Variants in ADGRF5 observed in about 807,000 individuals in gnomAD.
ADGRF5 encodes adhesion G protein-coupled receptor F5.
Under a neutral mutation model 132.3 loss-of-function variants are expected in ADGRF5, and 75 were observed. The ratio of observed to expected loss-of-function variants is 0.57; its 90% confidence interval spans 0.47 to 0.69. The LOEUF is 0.69. Ranked by LOEUF, ADGRF5 falls within the 30% of genes least tolerant of loss-of-function variation. The pLI is 0.00. For missense variants in ADGRF5, 1,516 were observed against 1,630.6 expected, an observed-to-expected ratio of 0.93 and a Z score of 1.21; for synonymous variants, 629 against 597.6, an observed-to-expected ratio of 1.05 and a Z score of -0.77.
At chr6:46,914,943 A>C (rs1332831280) in intron 1 of ADGRF5, among the ~76,000 whole-genome samples, 4 of 151,070 alleles carry the variant, frequency 2.6e-5, no homozygotes, top group African/African-American at 9.7e-5. Context: ...GCAACCTCTG[A>C]CTCTGGGGTT....
chr6:46,914,975 C>A (rs1316999465), intron 1 of ADGRF5, among the ~76,000 whole-genome samples: 1 of 151,946 alleles, frequency 6.6e-6, no homozygotes, highest in Non-Finnish European at 1.5e-5. Context: ...CCTGCCTCAG[C>A]CTCCCAAGTA....
intron 1 of ADGRF5, among the ~76,000 whole-genome samples, chr6:46,936,038 T>A (rs966153360): frequency 6.6e-6 from 1 of 152,186 alleles, no homozygotes; most frequent in African/African-American, 2.4e-5. Flanking sequence ...ATCTCAAAAT[T>A]AGAAAACTTG....
chr6:46,863,230 A>T lies in ADGRF5; in HGVS notation c.1991-134T>A, dbSNP rs148506792. ...TACTTTCCGTCACCTTTTCAGAACT[A>T]CCCAATTTCTTAATTTTGCCCTTGA... On this transcript the variant is annotated intron_variant, in intron 14 of 20. Transcript: ENST00000283296. 5.7e-4 allele frequency: 430 copies of T among 757,646 alleles called. No homozygotes were observed. In the African/African-American group the frequency reaches 6.5e-3, roughly 11 times the overall value. 46.9% of individuals were successfully genotyped at this position (757,646 alleles called of 1,614,324 possible).
At chr6:46,876,888 A>G (rs1202740838) in intron 10 of ADGRF5, among the ~76,000 whole-genome samples, 1 of 77,570 alleles carries the variant, frequency 1.3e-5, no homozygotes, top group South Asian at 3.1e-4. Flanking sequence ...TACAGGCGTG[A>G]GCCACCGCCC....
intron 3 of ADGRF5, among the ~76,000 whole-genome samples, chr6:46,894,042 A>G (rs1375681697): frequency 6.6e-6 from 1 of 152,216 alleles, no homozygotes; most frequent in Non-Finnish European, 1.5e-5. Context: ...AGATGGGTAA[A>G]TTAACTTCTT....
chr6:46,853,076 TC>T lies in ADGRF5; in HGVS notation c.*915del, dbSNP rs1373781727. 1.3e-5 allele frequency: 2 copies of T among 152,654 alleles called. No homozygotes were observed. The highest frequency in any genetic ancestry group is 4.8e-5 in the African/African-American group (2 of 41,454). 9.5% of individuals were successfully genotyped at this position (152,654 alleles called of 1,614,324 possible). ...TATATCAAATATATATTTTTTGCTTTCAAAATGTGGAACAAACTAAAATATA... is the reference window on the plus strand; with the variant it reads ...TATATCAAATATATATTTTTTGCTTTAAAATGTGGAACAAACTAAAATATA... On this transcript the variant is annotated 3_prime_UTR_variant, in exon 21 of 21. Coordinates refer to ENST00000283296, the MANE Select transcript of ADGRF5 (RefSeq NM_001098518.2).
At chr6:46,925,611 G>T (rs1284645350), upstream of ADGRF5, among the ~76,000 whole-genome samples, 1 of 152,152 alleles carries the variant, frequency 6.6e-6, no homozygotes, top group Non-Finnish European at 1.5e-5. Context: ...ACAAAAATTA[G>T]CAGGGCGTGT....
intron 12 of ADGRF5, among the ~76,000 whole-genome samples, chr6:46,867,755 G>A (rs1288576011): frequency 6.6e-6 from 1 of 151,834 alleles, no homozygotes; most frequent in Non-Finnish European, 1.5e-5. Flanking sequence ...TAACCAGAGG[G>A]CGAACGAGCA....
rs531305598 is a variant in ADGRF5 at position 46,860,232 on chromosome 6, C to A, written c.2379+483G>T. Reference sequence around the variant, plus strand: ...TTGCTGGTCTCTGAGTGCCTCATCACCCCTGGTTTATTTGTTTGTTTGTTA... The same window carrying A: ...TTGCTGGTCTCTGAGTGCCTCATCAACCCTGGTTTATTTGTTTGTTTGTTA... On this transcript the variant is annotated intron_variant, in intron 16 of 20. Coordinates refer to ENST00000283296, the MANE Select transcript of ADGRF5 (RefSeq NM_001098518.2). 1.5e-3 allele frequency among the ~76,000 whole-genome samples: 233 copies of A among 152,230 alleles called. 1 individual carries two copies. The highest frequency in any genetic ancestry group is 5.1e-3 in the African/African-American group (210 of 41,536).
intron 1 of ADGRF5, among the ~76,000 whole-genome samples, chr6:46,941,456 GA>G (rs1246472073): frequency 8.3e-4 from 35 of 42,034 alleles, no homozygotes; most frequent in African/African-American, 1.2e-3. Context: ...GAAAAGAAAA[GA>G]AAAGAAAAGA....
intron 1 of ADGRF5, among the ~76,000 whole-genome samples, chr6:46,952,111 G>T (rs1190228908): frequency 6.6e-6 from 1 of 152,168 alleles, no homozygotes; most frequent in Admixed American, 6.5e-5. Flanking sequence ...ACCCACCCAA[G>T]GGTCACATGG....
intron 1 of ADGRF5, among the ~76,000 whole-genome samples, chr6:46,954,378 G>A (rs913968172): frequency 8.0e-5 from 12 of 150,824 alleles, no homozygotes; most frequent in Non-Finnish European, 1.6e-4. Context: ...TCATGGTAGA[G>A]GTCTATACTA....
chr6:46,920,724 G>A (rs937304716), intron 1 of ADGRF5, among the ~76,000 whole-genome samples: 2 of 152,054 alleles, frequency 1.3e-5, no homozygotes, highest in East Asian at 3.9e-4. Context: ...TTAGCAGGGT[G>A]TGGTGGCGGG....
rs1773280148 is a variant in ADGRF5 at position 46,888,438 on chromosome 6, G to A, written c.225C>T (p.Ser75=). Residue 75 remains serine, a synonymous_variant, in exon 4 of 21, where the codon TCC becomes TCT. Coordinates refer to ENST00000283296, the MANE Select transcript of ADGRF5 (RefSeq NM_001098518.2). ...VNIEISFENA[S]FLDPIKAYLN... ...AGTAGGCTTTGATAGGATCCAGGAAGGATGCATTTTCAAAACTGATCTCAA... is the reference window on the plus strand; with the variant it reads ...AGTAGGCTTTGATAGGATCCAGGAAAGATGCATTTTCAAAACTGATCTCAA... The A allele has an allele frequency of 6.2e-7, 1 of 1,611,628 alleles. No individual in the cohort carries two copies. Among genetic ancestry groups the A allele is most frequent in the East Asian group, 2.2e-5 (1 of 44,848 alleles).
At position 46,858,811 on chromosome 6, in the gene ADGRF5, A is replaced by G. The variant is rs1356353602; in HGVS notation, c.3092T>C (p.Leu1031Pro). The G allele has an allele frequency of 6.2e-7, 1 of 1,614,054 alleles. No homozygotes were observed. Among genetic ancestry groups the G allele is most frequent in the Non-Finnish European group, 8.5e-7 (1 of 1,179,990 alleles). ...GFSILSLAAC[L>P]VVEAVVWKSV... ...TTTCCACACCACAGCTTCCACAACT[A>G]GACAGGCTGCCAAGCTCAAGATGGA... Residue 1031 changes from leucine (L) to proline (P), a missense_variant, in exon 17 of 21, where the codon CTA becomes CCA. Leu to Pro is a moderately conservative substitution (Grantham distance 98). This residue lies in a region of ADGRF5 where 571 missense variants were observed against 701.2 expected (regional missense o/e 0.81). Transcript: ENST00000283296.
chr6:46,923,965 G>T (rs536298013), upstream of ADGRF5, among the ~76,000 whole-genome samples: 1 of 152,152 alleles, frequency 6.6e-6, no homozygotes, highest in African/African-American at 2.4e-5. Context: ...CAAACGTAGA[G>T]AGAATAATTT....
intron 3 of ADGRF5, among the ~76,000 whole-genome samples, chr6:46,890,647 G>T (rs1173869608): frequency 6.6e-6 from 1 of 152,112 alleles, no homozygotes; most frequent in Non-Finnish European, 1.5e-5. Context: ...AACCCAGGAG[G>T]CAGAGGTTGC....
At chr6:46,862,859 G>C in intron 15 of ADGRF5, 29 bp downstream of exon 15, 1 of 1,461,326 alleles carries the variant, frequency 6.8e-7, no homozygotes, top group Non-Finnish European at 9.6e-7. Flanking sequence ...GCCCCACCAA[G>C]AGCTCAGAGT....
In ADGRF5 at chr6:46,921,912, C is replaced by T. The variant is rs1474292588; in HGVS notation, c.-224G>A. On this transcript the variant is annotated 5_prime_UTR_variant, in exon 1 of 21. Coordinates refer to ENST00000283296, the MANE Select transcript of ADGRF5 (RefSeq NM_001098518.2). The stretch of plus-strand genomic sequence containing the variant: ...CGCTCCCACGCTCAGCCTCCCCCAG[C>T]TATGATCCTCCCAGTCTCACAGAGT... 6.6e-6 allele frequency: 1 copy of T among 152,346 alleles called. No individual in the cohort carries two copies. Among genetic ancestry groups the T allele is most frequent in the African/African-American group, 2.4e-5 (1 of 41,476 alleles). 9.4% of individuals were successfully genotyped at this position (152,346 alleles called of 1,614,324 possible).
Sources: gnomAD v4.1 joint callset for allele counts (sites outside exome capture counted in the v4.1 genomes callset) on GRCh38, gnomAD v4.1.1 for gene constraint, gnomAD v4.1.1 regional missense constraint, MANE v1.5 for transcripts, NCBI Gene and HGNC (gene_info 2026-07-23, HGNC 2026-07-21) for gene names.